The following COL7A1 variants were observed in gnomAD, a reference collection of about 807,000 sequenced individuals.
The protein encoded by COL7A1 is collagen alpha-1(VII) chain.
A neutral mutation model predicts 456.2 loss-of-function variants in COL7A1; 296 were observed. That is an observed-to-expected ratio of 0.65 (90% CI 0.59 to 0.71). The LOEUF (loss-of-function observed/expected upper bound fraction) is 0.71. Ranked by LOEUF, COL7A1 falls within the 30% of genes least tolerant of loss-of-function variation. The pLI is 0.00. For synonymous variants in COL7A1, 1,464 were observed against 1,525.9 expected (o/e 0.96, Z 0.95); for missense variants, 3,441 against 4,017.2 (o/e 0.86, Z 3.88).
Position 48,590,837 on chromosome 3 carries a change from G to T in COL7A1, c.1637-21C>A. The T allele has an allele frequency of 6.2e-7, 1 of 1,611,152 alleles. No individual in the cohort carries two copies. The highest frequency in any genetic ancestry group is 8.5e-7 in the Non-Finnish European group (1 of 1,179,968). ...AACCCCTAAGAGAGAAGTCAGGGTA[G>T]GTGGGCAGGGGTCAGAAAGAGACAG... On this transcript the variant is annotated intron_variant, in intron 13 of 118. Coordinates refer to ENST00000681320, the MANE Select transcript of COL7A1 (RefSeq NM_000094.4). The surrounding 1 kb of genome is among the most constrained non-coding windows in gnomAD (Gnocchi z 4.6).
In COL7A1 at chr3:48,579,632, C is replaced by G. The variant is rs771172850; in HGVS notation, c.5191G>C (p.Gly1731Arg). The G allele has an allele frequency of 6.2e-7, 1 of 1,613,784 alleles. No individual in the cohort carries two copies. The highest frequency in any genetic ancestry group is 1.1e-5 in the South Asian group (1 of 91,078). The change falls in exon 59 of 119, where the codon GGG (glycine) becomes CGG (arginine). Residue 1731 changes from glycine (G) to arginine (R), a missense_variant. Coordinates refer to ENST00000681320, the MANE Select transcript of COL7A1 (RefSeq NM_000094.4). The surrounding 1 kb of genome is among the most constrained non-coding windows in gnomAD (Gnocchi z 4.4). ...GGGAGGCCAGGATCACCCTTGGGCCCTCGAGGACCCTCTTGTCCGCGGTCC... is the reference window on the plus strand; with the variant it reads ...GGGAGGCCAGGATCACCCTTGGGCCGTCGAGGACCCTCTTGTCCGCGGTCC... ...PGDRGQEGPR[G>R]PKGDPGLPGA...
chr3:48,577,216 C>A (rs534077328), intron 65 of COL7A1, among the ~76,000 whole-genome samples, 189 bp from the exon 66 acceptor site: 2 of 152,242 alleles, frequency 1.3e-5, no homozygotes, highest in Admixed American at 1.3e-4. Context: ...CCTGCATAGG[C>A]CTGCTCACCC....
intron 35 of COL7A1, 58 bp downstream of exon 35, chr3:48,584,675 TG>T: frequency 6.2e-7 from 1 of 1,613,154 alleles, no homozygotes; most frequent in Non-Finnish European, 8.5e-7. Context: ...GGGTCTGGTG[TG>T]GGGCAGTCCT....
chr3:48,577,761 C>T (rs1210260231), intron 65 of COL7A1, among the ~76,000 whole-genome samples: 1 of 152,220 alleles, frequency 6.6e-6, no homozygotes, highest in African/African-American at 2.4e-5. Context: ...TGGCTCTTCA[C>T]CTGTGCCTAT....
Position 48,565,499 on chromosome 3 carries a change from G to A in COL7A1, c.8441-3C>T, listed in dbSNP as rs1176923622. The A allele has an allele frequency of 6.2e-7, 1 of 1,613,654 alleles. No individual in the cohort carries two copies. Among genetic ancestry groups the A allele is most frequent in the Non-Finnish European group, 8.5e-7 (1 of 1,179,766 alleles). ...TGCAGCATAACTAGGGAGGGGTCCT[G>A]GAGCCAAGAGCAGGGGCCTCAGGGC... On this transcript the variant is annotated splice_region_variant and splice_polypyrimidine_tract_variant and intron_variant, in intron 115 of 118. Transcript: ENST00000681320. The surrounding 1 kb of genome is among the most constrained non-coding windows in gnomAD (Gnocchi z 4.5).
Position 48,578,844 on chromosome 3 carries a change from G to T in COL7A1, c.5424+75C>A. On this transcript the variant is annotated intron_variant, in intron 63 of 118. Coordinates refer to ENST00000681320, the MANE Select transcript of COL7A1 (RefSeq NM_000094.4). This position sits in a 1 kb window ranked among gnomAD's most constrained non-coding sequence, Gnocchi z 4.7. ...CGACCCCCCACCAACTCTCTCGGAT[G>T]CTGTGACTATGATGATCTGGTTGGA... The T allele has an allele frequency of 6.8e-7, 1 of 1,481,324 alleles. No homozygotes were observed. The highest frequency in any genetic ancestry group is 1.9e-5 in the Admixed American group (1 of 51,512). The allele number at this position is 1,481,324 out of a possible 1,614,324, so 91.8% of individuals were successfully genotyped here. A position where few individuals can be genotyped will look rare whatever the true frequency, so the allele number is the denominator to read the frequency against.
At position 48,572,644 on chromosome 3, in the gene COL7A1, G is replaced by A; in HGVS notation, c.6900+27C>T. The A allele has an allele frequency of 6.2e-7, 1 of 1,603,806 alleles. No homozygotes were observed. Among genetic ancestry groups the A allele is most frequent in the Non-Finnish European group, 8.5e-7 (1 of 1,175,048 alleles). On this transcript the variant is annotated intron_variant, in intron 88 of 118. Transcript: ENST00000681320. This position sits in a 1 kb window ranked among gnomAD's most constrained non-coding sequence, Gnocchi z 4.6. Reference sequence around the variant, plus strand: ...GGGTGAGGCAGAGGAGTTGCTGCAGGGGGTGGAAGTCAGGGTCAAAGATCA... The same window carrying A: ...GGGTGAGGCAGAGGAGTTGCTGCAGAGGGTGGAAGTCAGGGTCAAAGATCA...
At position 48,575,024 on chromosome 3, in the gene COL7A1, G is replaced by C. The variant is rs143202912; in HGVS notation, c.6279+40C>G. ...GGACCAAGCTAAGGGTGGCTTCCTG[G>C]TCACTAGTCACAGGACTAAGGCAGG... On this transcript the variant is annotated intron_variant, in intron 76 of 118. Transcript: ENST00000681320. The surrounding 1 kb of genome is among the most constrained non-coding windows in gnomAD (Gnocchi z 6.3). 5.6e-4 allele frequency: 899 copies of C among 1,598,632 alleles called. 6 individuals carry two copies. In the African/African-American group the frequency reaches 0.01, roughly 18 times the overall value.
Position 48,566,161 on chromosome 3 carries a change from A to C in COL7A1, c.8407+106T>G. 1 of 1,199,342 alleles carries C rather than the reference A, an allele frequency of 8.3e-7. No homozygotes were observed. The highest frequency in any genetic ancestry group is 2.5e-5 in the East Asian group (1 of 39,366). 74.3% of individuals were successfully genotyped at this position (1,199,342 alleles called of 1,614,324 possible). A position where few individuals can be genotyped will look rare whatever the true frequency, so the allele number is the denominator to read the frequency against. On this transcript the variant is annotated intron_variant, in intron 114 of 118. Transcript: ENST00000681320. The surrounding 1 kb of genome is among the most constrained non-coding windows in gnomAD (Gnocchi z 5.9). ...CATGTGTCCTTCTGTGTATCCATCC[A>C]TCCCCCCATCTTCTTGACTGCTTGC...
chr3:48,566,423 G>A lies in COL7A1; in HGVS notation c.8358+87C>T, dbSNP rs989726706. 3 of 1,607,688 alleles carry A rather than the reference G, an allele frequency of 1.9e-6. No individual in the cohort carries two copies. Among genetic ancestry groups the A allele is most frequent in the Non-Finnish European group, 2.6e-6 (3 of 1,175,040 alleles). Reference sequence around the variant, plus strand: ...GAGACTGCATGGAGCCAGGGCCCAGGGGTCAGGGTGCTGGGTGAGGGAGGT... The same window carrying A: ...GAGACTGCATGGAGCCAGGGCCCAGAGGTCAGGGTGCTGGGTGAGGGAGGT... On this transcript the variant is annotated intron_variant, in intron 113 of 118. Transcript: ENST00000681320. The surrounding 1 kb of genome is among the most constrained non-coding windows in gnomAD (Gnocchi z 5.9).
chr3:48,567,214 G>T lies in COL7A1; in HGVS notation c.8047-24C>A. 1 of 1,613,292 alleles carries T rather than the reference G, an allele frequency of 6.2e-7. No individual in the cohort carries two copies. ...CCCTGGGAACAGAAGAAGCATGAGAGACCTTCTGCCCTGACCTCCCTCAGC... is the reference window on the plus strand; with the variant it reads ...CCCTGGGAACAGAAGAAGCATGAGATACCTTCTGCCCTGACCTCCCTCAGC... On this transcript the variant is annotated intron_variant, in intron 109 of 118. Coordinates refer to ENST00000681320, the MANE Select transcript of COL7A1 (RefSeq NM_000094.4). This position sits in a 1 kb window ranked among gnomAD's most constrained non-coding sequence, Gnocchi z 4.3.
chr3:48,580,273 T>C lies in COL7A1; in HGVS notation c.5097+27A>G. ...GCGCCAGGGGACCCTCCATCCCTTC[T>C]GAGCCCAGGACACCAGCCCTACTCA... On this transcript the variant is annotated intron_variant, in intron 56 of 118. Transcript: ENST00000681320. The surrounding 1 kb of genome is among the most constrained non-coding windows in gnomAD (Gnocchi z 4.5). 6.2e-7 allele frequency: 1 copy of C among 1,607,424 alleles called. No individual in the cohort carries two copies.
chr3:48,585,681 G>A lies in COL7A1; in HGVS notation c.3831+9C>T. 2 of 1,614,026 alleles carry A rather than the reference G, an allele frequency of 1.2e-6. No individual in the cohort carries two copies. The highest frequency in any genetic ancestry group is 1.7e-5 in the Admixed American group (1 of 60,028). On this transcript the variant is annotated intron_variant, in intron 31 of 118. Transcript: ENST00000681320. This position sits in a 1 kb window ranked among gnomAD's most constrained non-coding sequence, Gnocchi z 4.5. Reference sequence around the variant, plus strand: ...TCAGGGTGCAGGGACAGATGTGGGGGACACTCACCGGGAGGCCAGGGTCGC... The same window carrying A: ...TCAGGGTGCAGGGACAGATGTGGGGAACACTCACCGGGAGGCCAGGGTCGC...
Position 48,573,805 on chromosome 3 carries a change from G to A in COL7A1, c.6537+50C>T, listed in dbSNP as rs552818635. On this transcript the variant is annotated intron_variant, in intron 81 of 118. Coordinates refer to ENST00000681320, the MANE Select transcript of COL7A1 (RefSeq NM_000094.4). The surrounding 1 kb of genome is among the most constrained non-coding windows in gnomAD (Gnocchi z 5.5). ...AAACTGAGGCAGTACTGGTCACTGG[G>A]GCAGGGCACAGGATGGGGGCAAGAC... 6.8e-6 allele frequency: 11 copies of A among 1,614,016 alleles called. No individual in the cohort carries two copies. In the South Asian group the frequency reaches 1.1e-4, roughly 16 times the overall value.
chr3:48,570,137 G>A lies in COL7A1; in HGVS notation c.7482C>T (p.Leu2494=), dbSNP rs2107644736. The A allele has an allele frequency of 6.2e-7, 1 of 1,614,146 alleles. No individual in the cohort carries two copies. The highest frequency in any genetic ancestry group is 8.5e-7 in the Non-Finnish European group (1 of 1,180,006). ...CACTTTCCCCAGCGGGACCCACCGT[G>A]AGTCCTCGGGGTCCCTCCTGGCCGG... is the stretch of plus-strand genomic sequence containing the variant. ...GRPGQEGPRG[L]TGPPGSRGER... Residue 2494 remains leucine, a synonymous_variant, in exon 99 of 119, where the codon CTC becomes CTT. Transcript: ENST00000681320. This position sits in a 1 kb window ranked among gnomAD's most constrained non-coding sequence, Gnocchi z 5.5.
In COL7A1 at chr3:48,572,922, T is replaced by C. The variant is rs1199284853; in HGVS notation, c.6771A>G (p.Gly2257=). ...CACTGGCACCATCTCGACCTGGGGC[T>C]CCCGGCTTCCCTGTCTCCCCCTGAG... is the stretch of plus-strand genomic sequence containing the variant. The part of the protein sequence containing the change: ...PGQVGETGKP[G]APGRDGASGK... Residue 2257 remains glycine (G), a synonymous_variant, in exon 87 of 119, where the codon GGA becomes GGG. Transcript: ENST00000681320. The surrounding 1 kb of genome is among the most constrained non-coding windows in gnomAD (Gnocchi z 4.6). 2 of 1,613,896 alleles carry C rather than the reference T, an allele frequency of 1.2e-6. No individual in the cohort carries two copies. The highest frequency in any genetic ancestry group is 1.7e-5 in the Admixed American group (1 of 60,014).
Position 48,594,950 on chromosome 3 carries a change from G to T in COL7A1, c.85+125C>A. On this transcript the variant is annotated intron_variant, in intron 2 of 118. Coordinates refer to ENST00000681320, the MANE Select transcript of COL7A1 (RefSeq NM_000094.4). The surrounding 1 kb of genome is among the most constrained non-coding windows in gnomAD (Gnocchi z 5.5). ...GGTTCGGGGAGTCCCAGAATTAGGA[G>T]GAATCCGCGGGGCGTCGTGGAGTTG... is the stretch of plus-strand genomic sequence containing the variant. 2.5e-6 allele frequency: 2 copies of T among 812,750 alleles called. No individual in the cohort carries two copies. Among genetic ancestry groups the T allele is most frequent in the Non-Finnish European group, 4.0e-6 (2 of 504,430 alleles). The allele number at this position is 812,750 out of a possible 1,614,324, so 50.3% of individuals were successfully genotyped here.
chr3:48,586,126 T>C lies in COL7A1; in HGVS notation c.3671A>G (p.Gln1224Arg), dbSNP rs1040752260. The change falls in exon 28 of 119, where the codon CAG (glutamine) becomes CGG (arginine). Residue 1224 changes from glutamine (Q) to arginine (R), a missense_variant. Transcript: ENST00000681320. The surrounding 1 kb of genome is among the most constrained non-coding windows in gnomAD (Gnocchi z 5.1). ...GGCTGTGGCCAGACCACTGACTGCCTGGTCCAGGCTTGGCCCATCATCCAC... is the reference window on the plus strand; with the variant it reads ...GGCTGTGGCCAGACCACTGACTGCCCGGTCCAGGCTTGGCCCATCATCCAC... ...FAVDDGPSLD[Q>R]AVSGLATALC... The C allele has an allele frequency of 6.8e-6, 11 of 1,613,536 alleles. No homozygotes were observed. The highest frequency in any genetic ancestry group is 9.3e-6 in the Non-Finnish European group (11 of 1,180,032).
rs910767262 is a variant in COL7A1 at position 48,564,258 on chromosome 3, C to T, written c.*148G>A. On this transcript the variant is annotated 3_prime_UTR_variant, in exon 119 of 119. Coordinates refer to ENST00000681320, the MANE Select transcript of COL7A1 (RefSeq NM_000094.4). This position sits in a 1 kb window ranked among gnomAD's most constrained non-coding sequence, Gnocchi z 6.0. ...TTTGTCCACAGGGGGGAAGGCTAGA[C>T]CCACGGGACCAAGTCACTGAAATAA... is the stretch of plus-strand genomic sequence containing the variant. 2.0e-6 allele frequency: 2 copies of T among 984,288 alleles called. No individual in the cohort carries two copies. Among genetic ancestry groups the T allele is most frequent in the Admixed American group, 3.9e-5 (2 of 50,964 alleles). The allele number at this position is 984,288 out of a possible 1,614,324, so 61.0% of individuals were successfully genotyped here.
Sources: allele counts gnomAD v4.1 joint callset (sites outside exome capture counted in the v4.1 genomes callset), GRCh38; gene constraint gnomAD v4.1.1; non-coding constraint Gnocchi (gnomAD v3.1); transcripts MANE v1.5; gene names NCBI Gene and HGNC (gene_info 2026-07-23, HGNC 2026-07-21).